Variants in ADGRD2 observed in about 807,000 individuals in gnomAD.
The protein encoded by ADGRD2 is adhesion G protein-coupled receptor D2, also known as G protein-coupled receptor PGR24.
Under a neutral mutation model 44.4 loss-of-function variants are expected in ADGRD2, and 71 were observed. That is an observed-to-expected ratio of 1.60 (90% CI 1.32 to 1.95). The LOEUF is 1.95. Ranked by LOEUF, ADGRD2 falls within the 30% of genes most tolerant of loss-of-function variation. ADGRD2 has a pLI of 0.00. For missense variants in ADGRD2, 1,039 were observed against 512.4 expected, an observed-to-expected ratio of 2.03 and a Z score of -9.92; for synonymous variants, 481 against 224.8, an observed-to-expected ratio of 2.14 and a Z score of -10.19.
At chr9:124,472,519 T>A (rs1481602249) in intron 17 of ADGRD2, among the ~76,000 whole-genome samples, 1 of 127,464 alleles carries the variant, frequency 7.8e-6, no homozygotes, top group Non-Finnish European at 1.7e-5. Context: ...TTTGTTTTGT[T>A]TTTTGGAGAT....
chr9:124,456,725 G>A (rs192621609), exon 7 of ADGRD2: 61 of 708,242 alleles, frequency 8.6e-5, no homozygotes, highest in South Asian at 2.7e-4. Flanking sequence ...ATCCAGCACC[G>A]CCATGCTGGT....
At chr9:124,468,268 G>T in intron 13 of ADGRD2, 78 bp downstream of exon 16, 2 of 710,910 alleles carry the variant, frequency 2.8e-6, no homozygotes, top group Non-Finnish European at 5.2e-6. Flanking sequence ...GTGACCCCCT[G>T]CCCCCAACTA....
chr9:124,475,612 C>T (rs760895561), exon 19 of ADGRD2: 45 of 565,354 alleles, frequency 8.0e-5, no homozygotes, highest in Non-Finnish European at 1.2e-4. Context: ...AGAAGGTGGC[C>T]GAGGTGCTCA....
At chr9:124,475,479 A>C in exon 18 of ADGRD2, 1 of 714,316 alleles carries the variant, frequency 1.4e-6, no homozygotes, top group Admixed American at 2.0e-5. Context: ...TGCTGCCTGC[A>C]ATGAGGAGGT....
chr9:124,458,145 T>C (rs1389230039), exon 9 of ADGRD2: 9 of 718,334 alleles, frequency 1.3e-5, no homozygotes, highest in Non-Finnish European at 2.1e-5. Flanking sequence ...CCACAGCTGG[T>C]TCACCTCCAG....
intron 10 of ADGRD2, among the ~76,000 whole-genome samples, chr9:124,458,972 G>A (rs1339737575): frequency 1.3e-5 from 2 of 152,186 alleles, no homozygotes; most frequent in African/African-American, 4.8e-5. Context: ...CCAAAGCTTG[G>A]GAGGGCTGAC....
chr9:124,450,577 C>T (rs1831448190), upstream of ADGRD2, among the ~76,000 whole-genome samples: 1 of 152,258 alleles, frequency 6.6e-6, no homozygotes, highest in African/African-American at 2.4e-5. Context: ...GACTCAGGCC[C>T]ATTGGCGCCT....
At chr9:124,460,440 A>G in intron 10 of ADGRD2, among the ~76,000 whole-genome samples, 1 of 148,634 alleles carries the variant, frequency 6.7e-6, no homozygotes. Flanking sequence ...CTGGTCTTGA[A>G]CTCCCTACCT....
intron 16 of ADGRD2, among the ~76,000 whole-genome samples, chr9:124,470,072 C>A (rs1831918685): frequency 6.6e-6 from 1 of 152,164 alleles, no homozygotes; most frequent in Non-Finnish European, 1.5e-5. Context: ...CCTTCCCCAC[C>A]CATCCTCCAC....
intron 10 of ADGRD2, chr9:124,465,543 G>A (rs1442965261): frequency 6.6e-6 from 1 of 152,126 alleles, no homozygotes; most frequent in African/African-American, 2.4e-5. Context: ...GTAGAGACAG[G>A]GTTTTGCCAT....
In ADGRD2 at chr9:124,453,239, C is replaced by CG. The variant is rs545980674; in HGVS notation, c.492dup (p.Val166ArgfsTer159). ...CTGCAGCTGCGCGCCTTCGCCGAGC[C>CG]GGGGGGCGTCGTGCGCGCTGCGCTG... On this transcript the variant is annotated frameshift_variant, in exon 3 of 22. Coordinates refer to ENST00000334810, the Ensembl canonical transcript of ADGRD2. LOFTEE classifies it high-confidence loss of function. 167 of 566,934 alleles carry CG rather than the reference C, an allele frequency of 2.9e-4. No homozygotes were observed. The highest frequency in any genetic ancestry group is 5.8e-4 in the East Asian group (17 of 29,340). The allele number at this position is 566,934 out of a possible 1,614,324, so 35.1% of individuals were successfully genotyped here.
At chr9:124,466,108 AG>A (rs1384192032) in intron 10 of ADGRD2, 149 bp from the exon 14 acceptor site, 3 of 453,206 alleles carry the variant, frequency 6.6e-6, no homozygotes, top group African/African-American at 6.0e-5. Flanking sequence ...CACATTTTAC[AG>A]GTGAAAAACT....
At chr9:124,456,107 A>C (rs1358203812) in intron 6 of ADGRD2, among the ~76,000 whole-genome samples, 1 of 152,222 alleles carries the variant, frequency 6.6e-6, no homozygotes, top group African/African-American at 2.4e-5. Flanking sequence ...GGAAAGCCAG[A>C]CTGAAGCTCA....
Position 124,468,174 on chromosome 9 carries a change from G to A in ADGRD2, c.2219G>A (p.Trp740Ter), listed in dbSNP as rs561206817. The change falls in exon 13 of 22, where the codon TGG (tryptophan) becomes TAG (stop). Residue 740 changes from tryptophan (W) to a stop codon, truncating the protein, a stop_gained. Coordinates refer to ENST00000334810, the Ensembl canonical transcript of ADGRD2. LOFTEE classifies it high-confidence loss of function. Reference sequence around the variant, plus strand: ...GAGGGCTTCCTCATGACCAGCGAGTGGGCCAAGGCCAATGAGGTGGGCAGC... The same window carrying A: ...GAGGGCTTCCTCATGACCAGCGAGTAGGCCAAGGCCAATGAGGTGGGCAGC... 3.1e-5 allele frequency: 22 copies of A among 718,488 alleles called. No individual in the cohort carries two copies. Among genetic ancestry groups the A allele is most frequent in the South Asian group, 2.8e-4 (19 of 67,608 alleles). The allele number at this position is 718,488 out of a possible 1,614,324, so 44.5% of individuals were successfully genotyped here. A position where few individuals can be genotyped will look rare whatever the true frequency, so the allele number is the denominator to read the frequency against.
intron 17 of ADGRD2, 26 bp from the exon 21 acceptor site, chr9:124,475,420 G>A (rs1401766157): frequency 1.4e-6 from 1 of 708,912 alleles, no homozygotes; most frequent in South Asian, 1.5e-5. Flanking sequence ...GCTCCGGGCT[G>A]AGGCACTCGC....
chr9:124,469,826 T>A (rs1000288800), intron 16 of ADGRD2, among the ~76,000 whole-genome samples: 5 of 152,244 alleles, frequency 3.3e-5, no homozygotes, highest in African/African-American at 1.2e-4. Context: ...CTGGCCACTG[T>A]TCAAGGAGTG....
chr9:124,454,463 C>T lies in ADGRD2; in HGVS notation c.1023-21C>T. ...GCAGGGGTATTGCCCGGGGCCTAGCCTGGCATCCACTCCTTTGCAGAGCCC... is the reference window on the plus strand; with the variant it reads ...GCAGGGGTATTGCCCGGGGCCTAGCTTGGCATCCACTCCTTTGCAGAGCCC... On this transcript the variant is annotated intron_variant, in intron 4 of 21. Coordinates refer to ENST00000334810, the Ensembl canonical transcript of ADGRD2. The surrounding 1 kb of genome is among the most constrained non-coding windows in gnomAD (Gnocchi z 4.5). 1 of 702,180 alleles carries T rather than the reference C, an allele frequency of 1.4e-6. No homozygotes were observed. The highest frequency in any genetic ancestry group is 2.7e-6 in the Non-Finnish European group (1 of 372,162). The allele number at this position is 702,180 out of a possible 1,614,324, so 43.5% of individuals were successfully genotyped here.
At chr9:124,450,546 G>A (rs1191640019), upstream of ADGRD2, among the ~76,000 whole-genome samples, 1 of 152,276 alleles carries the variant, frequency 6.6e-6, no homozygotes, top group Non-Finnish European at 1.5e-5. Context: ...GGAGGGACCA[G>A]CGGATGAAGG....
rs1441989079 is a variant in ADGRD2 at position 124,453,562 on chromosome 9, CG to C, written c.812del (p.Ala272HisfsTer147). On this transcript the variant is annotated frameshift_variant, in exon 3 of 22. Transcript: ENST00000334810. LOFTEE classifies it high-confidence loss of function. ...GGCGCTGAGCCCCGCTCAGCTGCAC[CG>C]GGCACGGGCCTGCGCGCCGCCCTCA... 4.3e-6 allele frequency: 3 copies of C among 697,048 alleles called. No homozygotes were observed. Among genetic ancestry groups the C allele is most frequent in the South Asian group, 1.5e-5 (1 of 66,684 alleles). The allele number at this position is 697,048 out of a possible 1,614,324, so 43.2% of individuals were successfully genotyped here. A position where few individuals can be genotyped will look rare whatever the true frequency, so the allele number is the denominator to read the frequency against.
Sources: gnomAD v4.1 joint callset for allele counts (sites outside exome capture counted in the v4.1 genomes callset) on GRCh38, gnomAD v4.1.1 for gene constraint, Gnocchi (gnomAD v3.1) non-coding constraint, MANE v1.5 for transcripts, NCBI Gene and HGNC (gene_info 2026-07-23, HGNC 2026-07-21) for gene names.